TSNARE1: variants seen among roughly 807,000 people sequenced by gnomAD.
TSNARE1 encodes the protein t-SNARE domain containing 1, also known as t-SNARE domain-containing protein 1.
TSNARE1 carries 49 observed loss-of-function variants against 62.0 expected under a neutral mutation model. That is an observed-to-expected ratio of 0.79 (90% confidence interval 0.63 to 1.00). The LOEUF is 1.00. Ranked by LOEUF, TSNARE1 falls within the 50% of genes least tolerant of loss-of-function variation. TSNARE1 has a pLI of 0.00. For missense variants in TSNARE1, 755 were observed against 700.1 expected (o/e 1.08, Z -0.88); for synonymous variants, 328 against 294.4 (o/e 1.11, Z -1.17).
At chr8:142,289,136 C>A (rs1168135368) in intron 10 of TSNARE1, among the ~76,000 whole-genome samples, 2 of 152,232 alleles carry the variant, frequency 1.3e-5, no homozygotes, top group African/African-American at 2.4e-5. Flanking sequence ...CCAGCCCACT[C>A]GGAGGCACCC....
chr8:142,231,600 T>TG (rs1817119531), intron 12 of TSNARE1, among the ~76,000 whole-genome samples: 1 of 152,150 alleles, frequency 6.6e-6, no homozygotes, highest in African/African-American at 2.4e-5. Flanking sequence ...CTTAGGATAC[T>TG]GGGGTTTGTG....
At chr8:142,280,060 A>T in intron 11 of TSNARE1, 1 of 1,235,728 alleles carries the variant, frequency 8.1e-7, no homozygotes, top group Non-Finnish European at 1.0e-6. Context: ...CAGCGCGTTC[A>T]CTGCCTGCAG....
In TSNARE1 at chr8:142,270,792, A is replaced by G. The variant is rs1465270383; in HGVS notation, c.1446+3989T>C. ...CTGCAGACTTCGCAGCTGCTGCCAC[A>G]TGGGGTTGGAGCCTCCAACAGCATC... On this transcript the variant is annotated intron_variant, in intron 12 of 13. Coordinates refer to ENST00000524325, the MANE Select transcript of TSNARE1 (RefSeq NM_145003.5). The G allele has an allele frequency of 5.1e-6, 5 of 985,274 alleles. No individual in the cohort carries two copies. The East Asian group carries it at 4.5e-4, about 90-fold the overall frequency. 61.0% of individuals were successfully genotyped at this position (985,274 alleles called of 1,614,324 possible).
At chr8:142,398,014 C>A (rs1838016001) in intron 1 of TSNARE1, among the ~76,000 whole-genome samples, 1 of 152,160 alleles carries the variant, frequency 6.6e-6, no homozygotes, top group South Asian at 2.1e-4. Flanking sequence ...CCTCACCCTG[C>A]CTCCCAAGAC....
intron 2 of TSNARE1, among the ~76,000 whole-genome samples, chr8:142,351,000 G>A (rs778871565): frequency 7.9e-5 from 12 of 152,232 alleles, no homozygotes; most frequent in South Asian, 2.1e-4. Context: ...GCAGCCAAAC[G>A]TGCTGTCACA....
chr8:142,234,410 C>T (rs1817293300), intron 12 of TSNARE1, among the ~76,000 whole-genome samples: 1 of 151,144 alleles, frequency 6.6e-6, no homozygotes, highest in African/African-American at 2.4e-5. Flanking sequence ...TCCAAGATGG[C>T]ACCATGACCA....
At chr8:142,299,627 A>ACACACACGCACT (rs1825354417) in intron 10 of TSNARE1, among the ~76,000 whole-genome samples, 2 of 152,328 alleles carry the variant, frequency 1.3e-5, no homozygotes, top group Non-Finnish European at 2.9e-5. Flanking sequence ...ACATGCATGC[A>ACACACACGCACT]CACACACGCA....
rs1311769893 is a variant in TSNARE1 at position 142,270,937 on chromosome 8, A to G, written c.1446+3844T>C. ...GCGACATCACAGGTAGACAGCCCAC[A>G]TCCTCTCATCCTTCCGGTCTCCTGG... On this transcript the variant is annotated intron_variant, in intron 12 of 13. Transcript: ENST00000524325. The G allele has an allele frequency of 4.1e-6, 4 of 985,302 alleles. No individual in the cohort carries two copies. In the African/African-American group the frequency reaches 5.2e-5, roughly 13 times the overall value. The allele number at this position is 985,302 out of a possible 1,614,324, so 61.0% of individuals were successfully genotyped here.
rs536414720 is a variant in TSNARE1 at position 142,273,212 on chromosome 8, C to T, written c.1446+1569G>A. 3.8e-4 allele frequency: 371 copies of T among 985,306 alleles called. 1 individual carries two copies. The African/African-American group carries it at 5.7e-3, about 15-fold the overall frequency. The allele number at this position is 985,306 out of a possible 1,614,324, so 61.0% of individuals were successfully genotyped here. ...CTCCTTCACCTCCTCCTCTTCCTCA[C>T]TGTCCCATCGTCCTCCTGCCGTCCC... On this transcript the variant is annotated intron_variant, in intron 12 of 13. Transcript: ENST00000524325.
intron 1 of TSNARE1, among the ~76,000 whole-genome samples, chr8:142,361,331 G>A (rs550351994): frequency 3.3e-5 from 5 of 152,356 alleles, no homozygotes; most frequent in East Asian, 1.9e-4. Flanking sequence ...TGGATGTGCC[G>A]GGTCAGTGAG....
chr8:142,234,046 CAAG>C (rs930908615), intron 12 of TSNARE1, among the ~76,000 whole-genome samples: 3 of 152,184 alleles, frequency 2.0e-5, no homozygotes, highest in Non-Finnish European at 4.4e-5. Flanking sequence ...ACATGGTAAC[CAAG>C]AAGAGAGAGG....
intron 12 of TSNARE1, among the ~76,000 whole-genome samples, chr8:142,254,926 G>T: frequency 6.6e-6 from 1 of 152,134 alleles, no homozygotes; most frequent in East Asian, 1.9e-4. Context: ...CCTGGGCCAG[G>T]CCCCTCCAAC....
intron 1 of TSNARE1, among the ~76,000 whole-genome samples, chr8:142,357,167 G>A (rs578230670): frequency 1.3e-5 from 2 of 152,338 alleles, no homozygotes; most frequent in East Asian, 3.9e-4. Context: ...GAAGAGAATC[G>A]TCAGGAACAG....
At chr8:142,227,069 C>G (rs1297168031) in intron 13 of TSNARE1, among the ~76,000 whole-genome samples, 3 of 149,920 alleles carry the variant, frequency 2.0e-5, no homozygotes, top group Admixed American at 1.3e-4. Context: ...CCACTGCACC[C>G]ACACAGCAGT....
intron 13 of TSNARE1, among the ~76,000 whole-genome samples, chr8:142,213,435 T>G (rs1230879219): frequency 6.6e-6 from 1 of 151,086 alleles, no homozygotes; most frequent in East Asian, 2.0e-4. Context: ...CCATGATGAC[T>G]TTTTTGCAGC....
At chr8:142,278,617 ATCACCCTCAGAGCCAGCG>A in intron 11 of TSNARE1, 12 of 985,456 alleles carry the variant, frequency 1.2e-5, no homozygotes, top group Non-Finnish European at 1.4e-5. Context: ...CGGAGCCAGC[ATCACCCTCAGAGCCAGCG>A]TCACCCTTGG....
At chr8:142,394,425 C>A (rs978993497) in intron 1 of TSNARE1, among the ~76,000 whole-genome samples, 4 of 152,162 alleles carry the variant, frequency 2.6e-5, no homozygotes, top group Admixed American at 1.3e-4. Context: ...CAGAAAACAC[C>A]AAGTGAAACA....
chr8:142,228,143 C>A (rs10098073), intron 13 of TSNARE1, among the ~76,000 whole-genome samples: 53,704 of 152,136 alleles, frequency 0.35, 11,163 homozygotes, highest in Non-Finnish European at 0.48. Flanking sequence ...CAATGGCCAA[C>A]ATCTACCTAC....
At chr8:142,272,922 A>G (rs1819843715) in intron 12 of TSNARE1, 2 of 985,402 alleles carry the variant, frequency 2.0e-6, no homozygotes, top group Non-Finnish European at 2.4e-6. Context: ...GGAGCAGGAC[A>G]TTCTATGCAG....
Sources: allele counts gnomAD v4.1 joint callset (sites outside exome capture counted in the v4.1 genomes callset), GRCh38; gene constraint gnomAD v4.1.1; transcripts MANE v1.5; gene names NCBI Gene and HGNC (gene_info 2026-07-23, HGNC 2026-07-21).